Variants in CENPL observed in about 807,000 individuals in gnomAD.
CENPL encodes centromere protein L.
Under a neutral mutation model 35.2 loss-of-function variants are expected in CENPL, and 20 were observed. The ratio of observed to expected loss-of-function variants is 0.57; its 90% CI spans 0.40 to 0.83. CENPL has a LOEUF of 0.83. CENPL is among the 40% of genes least tolerant of loss of function. CENPL has a pLI of 0.00. For synonymous variants in CENPL, 140 were observed against 140.6 expected, an observed-to-expected ratio of 1.00 and a Z score of 0.03; for missense variants, 363 against 395.8, an observed-to-expected ratio of 0.92 and a Z score of 0.70.
rs373147233 is a variant in CENPL at position 173,811,166 on chromosome 1, G to A, written c.134C>T (p.Pro45Leu). 12 of 1,613,382 alleles carry A rather than the reference G, an allele frequency of 7.4e-6. No individual in the cohort carries two copies. The African/African-American group carries it at 1.1e-4, about 14-fold the overall frequency. The change falls in exon 3 of 6, where the codon CCT (proline) becomes CTT (leucine). Residue 45 changes from proline (P) to leucine (L), a missense_variant. By Grantham distance (98) the Pro-to-Leu change is moderately conservative. Coordinates refer to ENST00000682279, the MANE Select transcript of CENPL (RefSeq NM_001387287.1). ...CGAACACTGGGGAATTTTCCTTCGA[G>A]GTGGAGTCAGGATAAATGAACTCTG... is the stretch of plus-strand genomic sequence containing the variant. Reference protein sequence around the residue: ...RKQSSFILTPPRRKIPQCSQL... With the variant: ...RKQSSFILTPLRRKIPQCSQL...
At chr1:173,816,266 AT>A (rs1651367837) in intron 2 of CENPL, among the ~76,000 whole-genome samples, 1 of 152,228 alleles carries the variant, frequency 6.6e-6, no homozygotes, top group African/African-American at 2.4e-5. Flanking sequence ...GCCCAAGGTA[AT>A]TTATAGATTC....
intron 2 of CENPL, among the ~76,000 whole-genome samples, chr1:173,815,341 C>T (rs759816444): frequency 6.6e-6 from 1 of 152,174 alleles, no homozygotes; most frequent in African/African-American, 2.4e-5. Context: ...TTTTATGAGG[C>T]CAGCATCATC....
Position 173,803,087 on chromosome 1 carries a change from A to G in CENPL, c.839T>C (p.Val280Ala). 1.2e-6 allele frequency: 2 copies of G among 1,614,088 alleles called. No homozygotes were observed. Among genetic ancestry groups the G allele is most frequent in the South Asian group, 1.1e-5 (1 of 91,076 alleles). ...KTPGEVTQEE[V>A]DLFMDCLYSH... ...ATAAAGGCAATCCATGAATAGGTCA[A>G]CTTCTTCCTGGGTAACCTCCCCAGG... Residue 280 changes from valine to alanine, a missense_variant, in exon 5 of 6, where the codon GTT becomes GCT. By Grantham distance (64) the Val-to-Ala change is moderately conservative (BLOSUM62 0). Coordinates refer to ENST00000682279, the MANE Select transcript of CENPL (RefSeq NM_001387287.1).
At chr1:173,814,702 A>G (rs1651185363) in intron 2 of CENPL, among the ~76,000 whole-genome samples, 1 of 152,234 alleles carries the variant, frequency 6.6e-6, no homozygotes, top group Non-Finnish European at 1.5e-5. Context: ...AGGAAAATTT[A>G]TAGCACTAAA....
intron 3 of CENPL, among the ~76,000 whole-genome samples, chr1:173,810,455 C>T (rs1398003914): frequency 1.3e-5 from 2 of 151,832 alleles, no homozygotes; most frequent in Admixed American, 1.3e-4. Flanking sequence ...ACAACCAACC[C>T]CCATGACGCA....
Position 173,799,674 on chromosome 1 carries a change from G to A in CENPL, c.*774C>T, listed in dbSNP as rs1649582783. On this transcript the variant is annotated 3_prime_UTR_variant, in exon 6 of 6. Transcript: ENST00000682279. ...TTTAGTTCCCTTTTGAGGGGATTTTGATTGCCAGTTCTCCGCAGTGAAATG... is the reference window on the plus strand; with the variant it reads ...TTTAGTTCCCTTTTGAGGGGATTTTAATTGCCAGTTCTCCGCAGTGAAATG... 2 of 152,170 alleles carry A rather than the reference G, an allele frequency of 1.3e-5. No individual in the cohort carries two copies. The highest frequency in any genetic ancestry group is 1.3e-4 in the Admixed American group (2 of 15,282). 9.4% of individuals were successfully genotyped at this position (152,170 alleles called of 1,614,324 possible). A position where few individuals can be genotyped will look rare whatever the true frequency, so the allele number is the denominator to read the frequency against.
chr1:173,809,342 A>C (rs562037658), intron 3 of CENPL, among the ~76,000 whole-genome samples: 5 of 151,680 alleles, frequency 3.3e-5, no homozygotes, highest in African/African-American at 1.2e-4. Flanking sequence ...GACTCCCAGC[A>C]CTTTGAGAGG....
intron 2 of CENPL, among the ~76,000 whole-genome samples, chr1:173,813,502 G>A (rs1651049158): frequency 6.6e-6 from 1 of 152,196 alleles, no homozygotes; most frequent in South Asian, 2.1e-4. Context: ...CAAGCCAGAA[G>A]ACAGTGGGGG....
chr1:173,819,704 T>G (rs1387313134), intron 2 of CENPL, among the ~76,000 whole-genome samples: 1 of 152,182 alleles, frequency 6.6e-6, no homozygotes, highest in Non-Finnish European at 1.5e-5. Context: ...TTATTTTATT[T>G]TTTGAGATGG....
chr1:173,821,788 C>T (rs1206832308), intron 2 of CENPL: 3 of 155,844 alleles, frequency 1.9e-5, no homozygotes, highest in African/African-American at 7.4e-5. Flanking sequence ...ACACCATCTC[C>T]TTTGTGTACT....
At position 173,811,294 on chromosome 1, in the gene CENPL, A is replaced by G; in HGVS notation, c.6T>C (p.Asp2=). ...GAGTTGACTCTGGTGCACTGTAAGA[A>G]TCCATGGTCTGTCTGCATAAGAAGA... The part of the protein sequence containing the change: M[D]SYSAPESTPS... Residue 2 remains aspartate (D), a synonymous_variant, in exon 3 of 6, where the codon GAT becomes GAC. Coordinates refer to ENST00000682279, the MANE Select transcript of CENPL (RefSeq NM_001387287.1). 1 of 1,596,930 alleles carries G rather than the reference A, an allele frequency of 6.3e-7. No homozygotes were observed. The highest frequency in any genetic ancestry group is 1.1e-5 in the South Asian group (1 of 89,496).
At chr1:173,807,219 G>T (rs746947543) in intron 4 of CENPL, 48 bp downstream of exon 4, 1 of 1,442,514 alleles carries the variant, frequency 6.9e-7, no homozygotes, top group East Asian at 2.3e-5. Flanking sequence ...AGTCAAACAA[G>T]ACATAATACT....
At position 173,803,010 on chromosome 1, in the gene CENPL, G is replaced by A. The variant is rs1036782482; in HGVS notation, c.916C>T (p.Arg306Cys). 13 of 1,613,098 alleles carry A rather than the reference G, an allele frequency of 8.1e-6. No homozygotes were observed. Among genetic ancestry groups the A allele is most frequent in the South Asian group, 2.2e-5 (2 of 90,942 alleles). Residue 306 changes from arginine (R) to cysteine (C), a missense_variant, in exon 5 of 6, where the codon CGT becomes TGT. Coordinates refer to ENST00000682279, the MANE Select transcript of CENPL (RefSeq NM_001387287.1). The part of the protein sequence containing the change: ...KIHLSATRLV[R>C]VSTSVASAHT... The stretch of plus-strand genomic sequence containing the variant: ...GCTGAAGCTACAGATGTTGAAACAC[G>A]AACTAATCTTGTGGCTGATAAATGA...
Position 173,807,262 on chromosome 1 carries a change from T to G in CENPL, c.420+5A>C. The G allele has an allele frequency of 6.3e-7, 1 of 1,598,876 alleles. No homozygotes were observed. The highest frequency in any genetic ancestry group is 8.5e-7 in the Non-Finnish European group (1 of 1,170,670). On this transcript the variant is annotated splice_donor_5th_base_variant and intron_variant, in intron 4 of 5. Coordinates refer to ENST00000682279, the MANE Select transcript of CENPL (RefSeq NM_001387287.1). ...TAGGAAGCAAGAACTGTTTATGTATTATACCTGGACAAGAAATGCTTCCGG... is the reference window on the plus strand; with the variant it reads ...TAGGAAGCAAGAACTGTTTATGTATGATACCTGGACAAGAAATGCTTCCGG...
At chr1:173,810,874 G>A (rs535655579) in intron 3 of CENPL, among the ~76,000 whole-genome samples, 5 of 152,204 alleles carry the variant, frequency 3.3e-5, no homozygotes, top group South Asian at 2.1e-4. Context: ...CCAAGATCGC[G>A]CCACTGCACT....
At chr1:173,818,965 T>C (rs544925772) in intron 2 of CENPL, among the ~76,000 whole-genome samples, 35 of 152,334 alleles carry the variant, frequency 2.3e-4, no homozygotes, top group African/African-American at 7.9e-4. Context: ...CCGGGCATGG[T>C]AGCTCATGAC....
In CENPL at chr1:173,800,539, G is replaced by T; in HGVS notation, c.964-20C>A. 2 of 1,049,190 alleles carry T rather than the reference G, an allele frequency of 1.9e-6. No individual in the cohort carries two copies. Among genetic ancestry groups the T allele is most frequent in the Non-Finnish European group, 2.9e-6 (2 of 685,412 alleles). The allele number at this position is 1,049,190 out of a possible 1,614,324, so 65.0% of individuals were successfully genotyped here. A position where few individuals can be genotyped will look rare whatever the true frequency, so the allele number is the denominator to read the frequency against. ...CAGAATCTGCAAAAAGAAAAAGAAG[G>T]AGACATTTAAAATTAGAATAGTATT... On this transcript the variant is annotated intron_variant, in intron 5 of 5. Transcript: ENST00000682279.
chr1:173,800,753 G>A (rs914501186), intron 5 of CENPL, among the ~76,000 whole-genome samples: 5 of 151,526 alleles, frequency 3.3e-5, no homozygotes, highest in Non-Finnish European at 7.4e-5. Context: ...TTCAAGACCA[G>A]CCTGGGCAAC....
At chr1:173,821,113 T>C (rs1052816416) in intron 2 of CENPL, among the ~76,000 whole-genome samples, 3 of 152,228 alleles carry the variant, frequency 2.0e-5, no homozygotes, top group Admixed American at 1.3e-4. Context: ...TCCTTCAAAT[T>C]TGTTACTTGG....
Sources: allele counts gnomAD v4.1 joint callset (sites outside exome capture counted in the v4.1 genomes callset), GRCh38; gene constraint gnomAD v4.1.1; transcripts MANE v1.5; gene names NCBI Gene and HGNC (gene_info 2026-07-23, HGNC 2026-07-21).